Variants in HELB observed in about 807,000 individuals in gnomAD.
HELB encodes the protein DNA 5'-3' helicase B.
Under a neutral mutation model 101.7 loss-of-function variants are expected in HELB, and 96 were observed. That is an observed-to-expected ratio of 0.94 (90% CI 0.80 to 1.12). The LOEUF is 1.12. HELB is among the 50% of genes most tolerant of loss of function. The probability of loss-of-function intolerance (pLI) is 0.00; values close to 1 mark genes in which losing one functional copy is unlikely to be tolerated. For synonymous variants in HELB, 437 were observed against 459.7 expected, an observed-to-expected ratio of 0.95 and a Z score of 0.63; for missense variants, 1,210 against 1,291.9, an observed-to-expected ratio of 0.94 and a Z score of 0.97.
chr12:66,302,932 T>C, intron 1 of HELB, 142 bp downstream of exon 1: 1 of 612,424 alleles, frequency 1.6e-6, no homozygotes, highest in Non-Finnish European at 2.8e-6. Context: ...CTACCAAGGG[T>C]AAAATTATGA....
intron 12 of HELB, among the ~76,000 whole-genome samples, chr12:66,334,449 A>ATG (rs1288583830): frequency 7.7e-5 from 11 of 143,648 alleles, no homozygotes; most frequent in East Asian, 2.1e-4. Flanking sequence ...GTGACAGACC[A>ATG]AAACCCTGTC....
chr12:66,306,301 G>A (rs757243529), intron 2 of HELB, 44 bp from the exon 3 acceptor site: 30 of 1,395,112 alleles, frequency 2.2e-5, no homozygotes, highest in Admixed American at 1.5e-4. Context: ...GTCATTCTTT[G>A]GGTTCATTTA....
At chr12:66,324,370 G>C (rs540225944) in intron 10 of HELB, 159 bp downstream of exon 10, 4 of 611,000 alleles carry the variant, frequency 6.5e-6, no homozygotes, top group South Asian at 6.1e-5. Flanking sequence ...TGAAGGATAT[G>C]GGTAGTTATC....
At chr12:66,314,272 A>G in intron 5 of HELB, 109 bp downstream of exon 5, 1 of 929,972 alleles carries the variant, frequency 1.1e-6, no homozygotes, top group Non-Finnish European at 1.7e-6. Context: ...TACCAAAGCT[A>G]CACGAAGATA....
Position 66,302,642 on chromosome 12 carries a change from A to C in HELB, c.39A>C (p.Gly13=). ...RSSPYLRQLQ[G]PLLPPRDLVE... The stretch of plus-strand genomic sequence containing the variant: ...GTCCGTACCTGCGCCAACTTCAGGG[A>C]CCTCTGCTCCCACCCAGGGATCTGG... Residue 13 remains glycine (G), a synonymous_variant, in exon 1 of 13, where the codon GGA becomes GGC. Transcript: ENST00000247815. 1 of 1,613,972 alleles carries C rather than the reference A, an allele frequency of 6.2e-7. No individual in the cohort carries two copies. Among genetic ancestry groups the C allele is most frequent in the Non-Finnish European group, 8.5e-7 (1 of 1,179,904 alleles).
rs776042196 is a variant in HELB, at chr12:66,318,827, T to C, written c.2155+35T>C. 3 of 1,500,446 alleles carry C rather than the reference T, an allele frequency of 2.0e-6. No individual in the cohort carries two copies. The Admixed American group carries it at 7.0e-5, about 35-fold the overall frequency. The allele number at this position is 1,500,446 out of a possible 1,614,324, so 92.9% of individuals were successfully genotyped here. A position where few individuals can be genotyped will look rare whatever the true frequency, so the allele number is the denominator to read the frequency against. ...AACTTCTATGAGATGTAGAGTTAAGTATAACTATTTAAGTTTTGTAACATA... is the reference window on the plus strand; with the variant it reads ...AACTTCTATGAGATGTAGAGTTAAGCATAACTATTTAAGTTTTGTAACATA... On this transcript the variant is annotated intron_variant, in intron 7 of 12. Coordinates refer to ENST00000247815, the MANE Select transcript of HELB (RefSeq NM_001370285.1).
intron 1 of HELB, among the ~76,000 whole-genome samples, chr12:66,303,339 CA>C (rs1565633850): frequency 6.6e-6 from 1 of 151,952 alleles, no homozygotes; most frequent in Non-Finnish European, 1.5e-5. Flanking sequence ...CTTGGAAAAA[CA>C]AAACAGTCCG....
rs201332927 is a variant in HELB, at chr12:66,324,144, C to G, written c.2459C>G (p.Ala820Gly). 1.6e-5 allele frequency: 26 copies of G among 1,613,700 alleles called. No homozygotes were observed. In the East Asian group the frequency reaches 5.6e-4, roughly 35 times the overall value. The part of the protein sequence containing the change: ...EDFSGTLPDF[A>G]KNKRDFESNV... ...TTTTCTGGTACGCTTCCTGATTTTG[C>G]TAAAAATAAGCGTGACTTTGAAAGT... Residue 820 changes from alanine to glycine, a missense_variant, in exon 10 of 13, where the codon GCT becomes GGT. Ala to Gly is a moderately conservative substitution (Grantham distance 60). Around this residue, in one of 2 missense-constraint regions of HELB, gnomAD observed 740 missense variants for 728.8 expected, o/e 1.02. Coordinates refer to ENST00000247815, the MANE Select transcript of HELB (RefSeq NM_001370285.1).
At chr12:66,324,847 T>A (rs909507532) in intron 10 of HELB, 136 bp from the exon 11 acceptor site, 81 of 1,045,284 alleles carry the variant, frequency 7.7e-5, no homozygotes, top group Middle Eastern at 2.8e-4. Flanking sequence ...ATGCAAATTT[T>A]AAGCCTTTTG....
chr12:66,333,069 T>C (rs1346269167), intron 12 of HELB, among the ~76,000 whole-genome samples: 1 of 151,762 alleles, frequency 6.6e-6, no homozygotes, highest in Non-Finnish European at 1.5e-5. Flanking sequence ...AAAATAAAAA[T>C]AAAAACCTGC....
chr12:66,310,954 T>C (rs1324069796), intron 4 of HELB, among the ~76,000 whole-genome samples: 2 of 151,618 alleles, frequency 1.3e-5, no homozygotes, highest in Non-Finnish European at 2.9e-5. Context: ...CAAAAAAAAT[T>C]TACCTTAAAG....
At chr12:66,329,832 A>G (rs1380164209) in intron 11 of HELB, among the ~76,000 whole-genome samples, 1 of 152,216 alleles carries the variant, frequency 6.6e-6, no homozygotes, top group Non-Finnish European at 1.5e-5. Context: ...AGACATTTTC[A>G]TATTTGAGAA....
At chr12:66,306,259 G>T in intron 2 of HELB, 86 bp from the exon 3 acceptor site, 1 of 1,034,658 alleles carries the variant, frequency 9.7e-7, no homozygotes, top group Non-Finnish European at 1.3e-6. Context: ...TTCTTGAATC[G>T]GTTGTGCAAA....
rs753255898 is a variant in HELB, at chr12:66,314,016, A to T, written c.1711A>T (p.Thr571Ser). ...TTATAGCTTCTATTCATGGACTCAA[A>T]CAATGATGACCACAAACAAACCATG... The part of the protein sequence containing the change: ...VNYSFYSWTQ[T>S]MMTTNKPWKF... Residue 571 changes from threonine to serine, a missense_variant, in exon 5 of 13, where the codon ACA becomes TCA. This residue lies in a region of HELB where 740 missense variants were observed against 728.8 expected (regional missense o/e 1.02). Coordinates refer to ENST00000247815, the MANE Select transcript of HELB (RefSeq NM_001370285.1). The T allele has an allele frequency of 6.2e-7, 1 of 1,613,764 alleles. No homozygotes were observed. The highest frequency in any genetic ancestry group is 1.3e-5 in the African/African-American group (1 of 74,910).
chr12:66,326,485 C>T (rs2053739092), intron 11 of HELB, among the ~76,000 whole-genome samples: 1 of 152,010 alleles, frequency 6.6e-6, no homozygotes, highest in African/African-American at 2.4e-5. Flanking sequence ...TTGTGATCTG[C>T]CCATCTCGGC....
chr12:66,331,294 GA>G lies in HELB; in HGVS notation c.2816del (p.Asn939ThrfsTer9). ...AGTCTCAGCTCCGGAATGCCATTAT[GA>G]AAAACAGTTTTCCTAGAAAAACTCG... is the stretch of plus-strand genomic sequence containing the variant. ...EESQLRNAIM[K>X]NSFPRKTRLK... On this transcript the variant is annotated frameshift_variant, in exon 12 of 13. Coordinates refer to ENST00000247815, the MANE Select transcript of HELB (RefSeq NM_001370285.1). LOFTEE classifies it high-confidence loss of function. 1.9e-6 allele frequency: 3 copies of G among 1,614,192 alleles called. No homozygotes were observed. Among genetic ancestry groups the G allele is most frequent in the Non-Finnish European group, 8.5e-7 (1 of 1,180,030 alleles).
intron 2 of HELB, among the ~76,000 whole-genome samples, chr12:66,306,142 G>T (rs7956960): frequency 0.66 from 99,979 of 151,978 alleles, 33,674 homozygotes; most frequent in Middle Eastern, 0.83. Context: ...ATAAATTTTG[G>T]TGTTAAACAC....
chr12:66,317,530 C>T (rs1444015859), intron 6 of HELB, among the ~76,000 whole-genome samples: 1 of 152,150 alleles, frequency 6.6e-6, no homozygotes, highest in Non-Finnish European at 1.5e-5. Flanking sequence ...TTTTAAAGTC[C>T]AAGAAACGTG....
rs545186203 is a variant in HELB at position 66,312,746 on chromosome 12, T to C, written c.1681-1240T>C. On this transcript the variant is annotated intron_variant, in intron 4 of 12. Coordinates refer to ENST00000247815, the MANE Select transcript of HELB (RefSeq NM_001370285.1). Reference sequence around the variant, plus strand: ...GCACGGAAAGAGCACTGGAGTGCCATTTATCATCCTTGGACTAGGGTTGCC... The same window carrying C: ...GCACGGAAAGAGCACTGGAGTGCCACTTATCATCCTTGGACTAGGGTTGCC... 3.3e-5 allele frequency among the ~76,000 whole-genome samples: 5 copies of C among 152,346 alleles called. No individual in the cohort carries two copies. In the South Asian group the frequency reaches 1.0e-3, roughly 32 times the overall value.
Sources: gnomAD v4.1 joint callset for allele counts (sites outside exome capture counted in the v4.1 genomes callset) on GRCh38, gnomAD v4.1.1 for gene constraint, gnomAD v4.1.1 regional missense constraint, MANE v1.5 for transcripts, NCBI Gene and HGNC (gene_info 2026-07-23, HGNC 2026-07-21) for gene names.